The following SV2B variants were observed in gnomAD, a reference collection of about 807,000 sequenced individuals.
SV2B encodes synaptic vesicle glycoprotein 2B.
A neutral mutation model predicts 73.9 loss-of-function variants in SV2B; 41 were observed. The observed-to-expected ratio is 0.56, with a 90% CI of 0.43 to 0.72. The LOEUF (loss-of-function observed/expected upper bound fraction) is 0.72. Ranked by LOEUF, SV2B falls within the 30% of genes least tolerant of loss-of-function variation. The probability of loss-of-function intolerance (pLI) is 0.00; values close to 1 mark genes in which losing one functional copy is unlikely to be tolerated. For missense variants in SV2B, 764 were observed against 857.8 expected (o/e 0.89, Z 1.37); for synonymous variants, 314 against 314.2 (o/e 1.00, Z 0.01).
At chr15:91,210,373 G>A (rs577226491) in intron 1 of SV2B, among the ~76,000 whole-genome samples, 3 of 152,104 alleles carry the variant, frequency 2.0e-5, no homozygotes, top group Non-Finnish European at 4.4e-5. Flanking sequence ...TCTAAGCTGC[G>A]GAGAGTACAG....
At chr15:91,246,282 AT>A (rs143280910) in intron 2 of SV2B, among the ~76,000 whole-genome samples, 2,707 of 152,210 alleles carry the variant, frequency 0.018, 65 homozygotes, top group African/African-American at 0.062. Context: ...TGTTTTTAAA[AT>A]ATCACCATCT....
chr15:91,215,174 C>T lies in SV2B; in HGVS notation c.-391-10699C>T, dbSNP rs553641564. On this transcript the variant is annotated intron_variant, in intron 1 of 12. Coordinates refer to ENST00000394232, the MANE Select transcript of SV2B (RefSeq NM_001323032.3). ...ACCAGCCCCTCATCCCCTTCCCTAC[C>T]AGCTTAGCTCCTGCAAAGAGCTAAT... Among the ~76,000 whole-genome samples the T allele has an allele frequency of 3.3e-5, 5 of 152,326 alleles. No individual in the cohort carries two copies. In the East Asian group the frequency reaches 5.8e-4, roughly 18 times the overall value.
chr15:91,132,689 A>G lies in SV2B; in HGVS notation c.-392+32326A>G, dbSNP rs1247033198. Among the ~76,000 whole-genome samples the G allele has an allele frequency of 6.6e-6, 1 of 151,982 alleles. No homozygotes were observed. Among genetic ancestry groups the G allele is most frequent in the Non-Finnish European group, 1.5e-5 (1 of 68,020 alleles). On this transcript the variant is annotated intron_variant, in intron 1 of 12. Coordinates refer to ENST00000394232, the MANE Select transcript of SV2B (RefSeq NM_001323032.3). This position sits in a 1 kb window ranked among gnomAD's most constrained non-coding sequence, Gnocchi z 4.6. ...TTTAGGTTTTTTGCCTCCAGACCCT[A>G]TTTCTCCTGCCTCAGTGGCACATGC...
chr15:91,174,651 A>G (rs904156355), intron 1 of SV2B, among the ~76,000 whole-genome samples: 1 of 152,216 alleles, frequency 6.6e-6, no homozygotes, highest in African/African-American at 2.4e-5. Context: ...AGAAGCGCCC[A>G]TGGAGGGAAT....
At chr15:91,219,663 TC>T (rs1487705572) in intron 1 of SV2B, among the ~76,000 whole-genome samples, 1 of 152,136 alleles carries the variant, frequency 6.6e-6, no homozygotes, top group Non-Finnish European at 1.5e-5. Context: ...TTGTAAGTGT[TC>T]AATTTGATGA....
At chr15:91,191,189 C>T (rs1447808697) in intron 1 of SV2B, among the ~76,000 whole-genome samples, 1 of 150,766 alleles carries the variant, frequency 6.6e-6, no homozygotes, top group African/African-American at 2.4e-5. Context: ...TCTCAGCCTC[C>T]TGAGTAGTTG....
intron 1 of SV2B, among the ~76,000 whole-genome samples, chr15:91,210,538 C>G (rs560459694): frequency 6.0e-4 from 91 of 152,288 alleles, no homozygotes; most frequent in African/African-American, 1.9e-3. Context: ...GCCAGCTGCT[C>G]TCAGACTTGC....
chr15:91,247,037 G>A (rs1242479725), intron 2 of SV2B, among the ~76,000 whole-genome samples: 1 of 152,148 alleles, frequency 6.6e-6, no homozygotes, highest in East Asian at 1.9e-4. Context: ...CAGAGACATT[G>A]TTAATTTTGT....
At chr15:91,189,152 C>T (rs1044227501) in intron 1 of SV2B, among the ~76,000 whole-genome samples, 2 of 151,964 alleles carry the variant, frequency 1.3e-5, no homozygotes, top group Admixed American at 6.6e-5. Context: ...TTTTTTTCTC[C>T]AAATGTCATT....
At position 91,268,968 on chromosome 15, in the gene SV2B, C is replaced by T. The variant is rs1430921051; in HGVS notation, c.1373+363C>T. Among the ~76,000 whole-genome samples, 1 of 152,200 alleles carries T rather than the reference C, an allele frequency of 6.6e-6. No individual in the cohort carries two copies. The stretch of plus-strand genomic sequence containing the variant: ...TGAGATTCCCGAACTAGTCCAAAGC[C>T]TGGGTGTTGAGCTTTTACTTTGACC... On this transcript the variant is annotated intron_variant, in intron 9 of 12. Transcript: ENST00000394232. The surrounding 1 kb of genome is among the most constrained non-coding windows in gnomAD (Gnocchi z 4.4).
intron 1 of SV2B, among the ~76,000 whole-genome samples, chr15:91,184,080 G>A (rs565951652): frequency 6.6e-6 from 1 of 152,266 alleles, no homozygotes; most frequent in Non-Finnish European, 1.5e-5. Flanking sequence ...TCACAATATT[G>A]TGAATTCAGT....
At position 91,298,787 on chromosome 15, in the gene SV2B, A is replaced by G. The variant is rs2141843252; in HGVS notation, c.*6235A>G. ...CAGAAGCTGTCCTCTACCAAAGTTA[A>G]TGTGGTCACCACATTTGATGATTTT... On this transcript the variant is annotated 3_prime_UTR_variant, in exon 13 of 13. Coordinates refer to ENST00000394232, the MANE Select transcript of SV2B (RefSeq NM_001323032.3). The surrounding 1 kb of genome is among the most constrained non-coding windows in gnomAD (Gnocchi z 5.4). 6.6e-6 allele frequency: 1 copy of G among 152,310 alleles called. No homozygotes were observed. The highest frequency in any genetic ancestry group is 2.1e-4 in the South Asian group (1 of 4,828). The allele number at this position is 152,310 out of a possible 1,614,324, so 9.4% of individuals were successfully genotyped here. A position where few individuals can be genotyped will look rare whatever the true frequency, so the allele number is the denominator to read the frequency against.
intron 1 of SV2B, among the ~76,000 whole-genome samples, chr15:91,215,149 A>T (rs1319934599): frequency 6.6e-6 from 1 of 152,160 alleles, no homozygotes; most frequent in Non-Finnish European, 1.5e-5. Flanking sequence ...AAGTCCAAGC[A>T]CCAGCCCCTC....
intron 1 of SV2B, among the ~76,000 whole-genome samples, chr15:91,179,324 A>G (rs1353369672): frequency 6.6e-6 from 1 of 152,054 alleles, no homozygotes. Context: ...TATGTGGTCA[A>G]TTTTGGAATA....
At chr15:91,177,769 T>C (rs1596528369) in intron 1 of SV2B, among the ~76,000 whole-genome samples, 1 of 124,890 alleles carries the variant, frequency 8.0e-6, no homozygotes, top group Non-Finnish European at 1.7e-5. Flanking sequence ...CTGAAGTTGC[T>C]TATCAGCTTA....
rs199913795 is a variant in SV2B at position 91,137,611 on chromosome 15, TATATATTTCATATATAC to T, written c.-392+37272_-392+37288del. 0.031 allele frequency among the ~76,000 whole-genome samples: 4,532 copies of T among 146,416 alleles called. 253 individuals are homozygous for T. Among genetic ancestry groups the T allele is most frequent in the African/African-American group, 0.1 (4,138 of 39,938 alleles). ...TTCTCATATATATATATATTTCATA[TATATATTTCATATATAC>T]ATATATTTCATATATACATATATAT... is the stretch of plus-strand genomic sequence containing the variant. On this transcript the variant is annotated intron_variant, in intron 1 of 12. Coordinates refer to ENST00000394232, the MANE Select transcript of SV2B (RefSeq NM_001323032.3). This position sits in a 1 kb window ranked among gnomAD's most constrained non-coding sequence, Gnocchi z 4.9.
In SV2B at chr15:91,288,951, T is replaced by C. The variant is rs900078635; in HGVS notation, c.1709-570T>C. ...CCTTGGCCTCCCAAAGTGCTGGGATTATAGGCCAGAATTCCTTTCTTTTTA... is the reference window on the plus strand; with the variant it reads ...CCTTGGCCTCCCAAAGTGCTGGGATCATAGGCCAGAATTCCTTTCTTTTTA... On this transcript the variant is annotated intron_variant, in intron 11 of 12. Coordinates refer to ENST00000394232, the MANE Select transcript of SV2B (RefSeq NM_001323032.3). This position sits in a 1 kb window ranked among gnomAD's most constrained non-coding sequence, Gnocchi z 5.8. Among the ~76,000 whole-genome samples the C allele has an allele frequency of 6.6e-6, 1 of 152,218 alleles. No individual in the cohort carries two copies. The highest frequency in any genetic ancestry group is 6.5e-5 in the Admixed American group (1 of 15,282).
At chr15:91,178,864 T>C (rs1231579508) in intron 1 of SV2B, among the ~76,000 whole-genome samples, 7 of 146,880 alleles carry the variant, frequency 4.8e-5, no homozygotes, top group Non-Finnish European at 1.0e-4. Context: ...CATTAATTTT[T>C]TGAAGGGTTT....
rs1329007208 is a variant in SV2B at position 91,224,509 on chromosome 15, C to T, written c.-391-1364C>T. Among the ~76,000 whole-genome samples, 1 of 152,170 alleles carries T rather than the reference C, an allele frequency of 6.6e-6. No homozygotes were observed. The highest frequency in any genetic ancestry group is 1.5e-5 in the Non-Finnish European group (1 of 68,026). On this transcript the variant is annotated intron_variant, in intron 1 of 12. Transcript: ENST00000394232. This position sits in a 1 kb window ranked among gnomAD's most constrained non-coding sequence, Gnocchi z 4.9. ...CTGTGGGCAAATCTGGATTTCTGAG[C>T]TTGAAGCAGCCCTTCTTCATTACGC...
Sources: allele counts gnomAD v4.1 joint callset (sites outside exome capture counted in the v4.1 genomes callset), GRCh38; gene constraint gnomAD v4.1.1; non-coding constraint Gnocchi (gnomAD v3.1); transcripts MANE v1.5; gene names NCBI Gene and HGNC (gene_info 2026-07-23, HGNC 2026-07-21).